HOOK3: variants seen among roughly 807,000 people sequenced by gnomAD.
The protein encoded by HOOK3 is hook microtubule tethering protein 3.
Under a neutral mutation model 116.3 loss-of-function variants are expected in HOOK3, and 24 were observed. The ratio of observed to expected loss-of-function variants is 0.21; its 90% CI spans 0.15 to 0.29. The LOEUF (loss-of-function observed/expected upper bound fraction) is 0.29, where lower values mean the gene tolerates loss of function less well. Among genes scored for constraint, HOOK3 ranks in the 10% least tolerant of loss-of-function variants. The probability of loss-of-function intolerance (pLI) is 1.00; values close to 1 mark genes in which losing one functional copy is unlikely to be tolerated. For missense variants in HOOK3, 632 were observed against 830.2 expected (o/e 0.76, Z 2.93); for synonymous variants, 275 against 283.0 (o/e 0.97, Z 0.28).
At chr8:42,937,266 A>G (rs1259225722) in intron 4 of HOOK3, among the ~76,000 whole-genome samples, 1 of 120,222 alleles carries the variant, frequency 8.3e-6, no homozygotes, top group Non-Finnish European at 1.8e-5. Context: ...TGTCTATTTG[A>G]TTCTTCTCTC....
At chr8:42,956,123 G>A (rs1808429003) in intron 6 of HOOK3, among the ~76,000 whole-genome samples, 1 of 151,982 alleles carries the variant, frequency 6.6e-6, no homozygotes, top group Non-Finnish European at 1.5e-5. Context: ...GGCCATTTGA[G>A]TCTCTCCCTG....
chr8:42,910,628 CTG>C (rs1276279491), intron 2 of HOOK3, among the ~76,000 whole-genome samples: 1 of 152,214 alleles, frequency 6.6e-6, no homozygotes, highest in African/African-American at 2.4e-5. Context: ...AACATAATGT[CTG>C]TGAGATTTAT....
chr8:43,004,843 A>G (rs1409858808), intron 17 of HOOK3, among the ~76,000 whole-genome samples: 2 of 152,156 alleles, frequency 1.3e-5, no homozygotes, highest in African/African-American at 2.4e-5. Flanking sequence ...GTAAACCTGG[A>G]CATGCCACAT....
chr8:42,956,990 T>C, intron 6 of HOOK3, 104 bp from the exon 7 acceptor site: 1 of 570,158 alleles, frequency 1.8e-6, no homozygotes, highest in Non-Finnish European at 3.0e-6. Context: ...CATTTTAATT[T>C]TTATATTTCT....
intron 6 of HOOK3, among the ~76,000 whole-genome samples, chr8:42,951,547 C>G (rs1586606764): frequency 6.6e-6 from 1 of 152,250 alleles, no homozygotes; most frequent in East Asian, 1.9e-4. Context: ...TGGTCAAGTT[C>G]AGGATGTGAG....
chr8:42,966,541 G>A lies in HOOK3; in HGVS notation c.848G>A (p.Arg283Gln), dbSNP rs143640988. 3.7e-6 allele frequency: 6 copies of A among 1,613,886 alleles called. No individual in the cohort carries two copies. The highest frequency in any genetic ancestry group is 5.1e-6 in the Non-Finnish European group (6 of 1,179,952). Residue 283 changes from arginine (R) to glutamine (Q), a missense_variant, in exon 10 of 22, where the codon CGG becomes CAG. Arg to Gln is a conservative substitution (Grantham distance 43). Transcript: ENST00000307602. ...TTAGAAAAGGAGATCTCTGAACTTCGGCAACAGAATGATGAACTGACCACT... is the reference window on the plus strand; with the variant it reads ...TTAGAAAAGGAGATCTCTGAACTTCAGCAACAGAATGATGAACTGACCACT... Reference protein sequence around the residue: ...EELEKEISELRQQNDELTTLA... With the variant: ...EELEKEISELQQQNDELTTLA...
intron 4 of HOOK3, among the ~76,000 whole-genome samples, chr8:42,938,709 T>TATTC (rs1207682405): frequency 6.6e-6 from 1 of 151,358 alleles, no homozygotes; most frequent in Non-Finnish European, 1.5e-5. Flanking sequence ...TTTATTTATT[T>TATTC]ATTTATTTAT....
intron 4 of HOOK3, among the ~76,000 whole-genome samples, chr8:42,941,316 C>T (rs1808117028): frequency 6.7e-6 from 1 of 149,830 alleles, no homozygotes; most frequent in Non-Finnish European, 1.5e-5. Context: ...GAGATCTAGA[C>T]CATCCTGGCT....
At chr8:42,971,113 C>CT (rs1478939599) in intron 11 of HOOK3, among the ~76,000 whole-genome samples, 7 of 151,602 alleles carry the variant, frequency 4.6e-5, no homozygotes, top group East Asian at 3.9e-4. Context: ...ATTCCATATC[C>CT]TTTTTTTTCT....
At chr8:43,009,339 G>T (rs1325023557) in intron 18 of HOOK3, among the ~76,000 whole-genome samples, 3 of 151,904 alleles carry the variant, frequency 2.0e-5, no homozygotes, top group Admixed American at 6.6e-5. Flanking sequence ...CCAGGAGGCA[G>T]AGGTTGGAGT....
intron 8 of HOOK3, among the ~76,000 whole-genome samples, chr8:42,962,261 C>CTT (rs559919675): frequency 1.1e-4 from 13 of 117,782 alleles, no homozygotes; most frequent in African/African-American, 2.8e-4. Context: ...ATTTTCATTT[C>CTT]TTTTTTTTTT....
intron 8 of HOOK3, 122 bp from the exon 9 acceptor site, chr8:42,964,189 A>T (rs1195158459): frequency 1.1e-6 from 1 of 937,668 alleles, no homozygotes; most frequent in Admixed American, 2.4e-5. Context: ...CCTGGGCGAC[A>T]GTGAGACTCC....
chr8:42,954,973 C>G (rs769013108), intron 6 of HOOK3, among the ~76,000 whole-genome samples: 4 of 152,138 alleles, frequency 2.6e-5, no homozygotes, highest in Admixed American at 6.5e-5. Context: ...GAAGCAGGAA[C>G]AGTGTGGAAT....
intron 13 of HOOK3, among the ~76,000 whole-genome samples, chr8:42,977,908 A>G (rs1346878832): frequency 6.6e-6 from 1 of 152,112 alleles, no homozygotes; most frequent in Non-Finnish European, 1.5e-5. Flanking sequence ...ACACTTAACC[A>G]TTAAAGAAGG....
chr8:42,944,933 C>G (rs1484543579), intron 5 of HOOK3, among the ~76,000 whole-genome samples: 2 of 152,064 alleles, frequency 1.3e-5, no homozygotes, highest in African/African-American at 2.4e-5. Flanking sequence ...CTTTGTATTG[C>G]AATCTAAAAT....
At chr8:42,925,396 C>T (rs1441877144) in intron 2 of HOOK3, among the ~76,000 whole-genome samples, 161 bp from the exon 3 acceptor site, 1 of 152,130 alleles carries the variant, frequency 6.6e-6, no homozygotes, top group Non-Finnish European at 1.5e-5. Flanking sequence ...CCATACCTGG[C>T]CAACTTGACT....
In HOOK3 at chr8:42,974,125, G is replaced by A. The variant is rs1206785445; in HGVS notation, c.1252G>A (p.Asp418Asn). ...KEKDRLRTER[D>N]SLKETIEELR... ...TCTCCAGAGGCTGAGAACAGAAAGG[G>A]ATTCTCTGAAGGAAACCATTGAAGA... The change falls in exon 13 of 22, where the codon GAT (aspartate) becomes AAT (asparagine). Residue 418 changes from aspartate (D) to asparagine (N), a missense_variant. By Grantham distance (23) the Asp-to-Asn change is conservative (BLOSUM62 1). Transcript: ENST00000307602. The A allele has an allele frequency of 6.2e-7, 1 of 1,613,704 alleles. No homozygotes were observed. Among genetic ancestry groups the A allele is most frequent in the East Asian group, 2.2e-5 (1 of 44,878 alleles).
intron 21 of HOOK3, among the ~76,000 whole-genome samples, chr8:43,014,992 C>A (rs577996155): frequency 1.3e-5 from 2 of 151,222 alleles, no homozygotes; most frequent in Non-Finnish European, 2.9e-5. Context: ...ACTAAAAATA[C>A]AAAAATTAGC....
intron 6 of HOOK3, among the ~76,000 whole-genome samples, chr8:42,956,836 C>T (rs1317199895): frequency 6.6e-6 from 1 of 152,222 alleles, no homozygotes; most frequent in Non-Finnish European, 1.5e-5. Flanking sequence ...CCCACCTCGG[C>T]CTCCCAAAGT....
Sources: gnomAD v4.1 joint callset for allele counts (sites outside exome capture counted in the v4.1 genomes callset) on GRCh38, gnomAD v4.1.1 for gene constraint, MANE v1.5 for transcripts, NCBI Gene and HGNC (gene_info 2026-07-23, HGNC 2026-07-21) for gene names.